The following FSHB variants were observed in gnomAD, a reference collection of about 807,000 sequenced individuals.
FSHB encodes the protein follicle stimulating hormone subunit beta, also known as follitropin subunit beta.
A neutral mutation model predicts 12.1 loss-of-function variants in FSHB; 8 were observed. The observed-to-expected ratio is 0.66, with a 90% confidence interval of 0.39 to 1.19. FSHB has a LOEUF of 1.19. Ranked by LOEUF, FSHB falls within the 50% of genes most tolerant of loss-of-function variation. FSHB has a pLI of 0.01. For synonymous variants in FSHB, 55 were observed against 54.6 expected (o/e 1.01, Z -0.04); for missense variants, 153 against 157.2 (o/e 0.97, Z 0.14).
At chr11:30,231,753 C>G in intron 1 of FSHB, 113 bp from the exon 2 acceptor site, 2 of 759,208 alleles carry the variant, frequency 2.6e-6, no homozygotes, top group Non-Finnish European at 2.2e-6. Context: ...AGTAAAAAGG[C>G]ATAAGGAAGG....
chr11:30,233,681 T>C lies in FSHB; in HGVS notation c.271T>C (p.Leu91=). 7 of 1,614,046 alleles carry C rather than the reference T, an allele frequency of 4.3e-6. No homozygotes were observed. The South Asian group carries it at 6.6e-5, about 15-fold the overall frequency. ...VPGCAHHADS[L]YTYPVATQCH... is the part of the protein sequence containing the mutation. Reference sequence around the variant, plus strand: ...CGGCTGTGCTCACCATGCAGATTCCTTGTATACATACCCAGTGGCCACCCA... The same window carrying C: ...CGGCTGTGCTCACCATGCAGATTCCCTGTATACATACCCAGTGGCCACCCA... The change falls in exon 3 of 3, where the codon TTG becomes CTG. Residue 91 remains leucine (L), a synonymous_variant. Transcript: ENST00000533718.
At chr11:30,231,751 G>T in intron 1 of FSHB, 115 bp from the exon 2 acceptor site, 2 of 741,170 alleles carry the variant, frequency 2.7e-6, no homozygotes, top group Non-Finnish European at 4.6e-6. Flanking sequence ...TAAGTAAAAA[G>T]GCATAAGGAA....
chr11:30,232,888 T>A (rs920304777), intron 2 of FSHB, among the ~76,000 whole-genome samples: 2 of 152,182 alleles, frequency 1.3e-5, no homozygotes, highest in African/African-American at 4.8e-5. Context: ...GATATACATT[T>A]GGTAGGATGA....
rs1852042034 is a variant in FSHB at position 30,233,756 on chromosome 11, G to T, written c.346G>T (p.Gly116Cys). 6.2e-7 allele frequency: 1 copy of T among 1,613,914 alleles called. No homozygotes were observed. The highest frequency in any genetic ancestry group is 1.1e-5 in the South Asian group (1 of 91,092). ...CGACAGCACTGATTGTACTGTGCGA[G>T]GCCTGGGGCCCAGCTACTGCTCCTT... is the stretch of plus-strand genomic sequence containing the variant. Reference protein sequence around the residue: ...DSDSTDCTVRGLGPSYCSFGE... With the variant: ...DSDSTDCTVRCLGPSYCSFGE... The change falls in exon 3 of 3, where the codon GGC becomes TGC. Residue 116 changes from glycine to cysteine, a missense_variant. Gly to Cys is a radical substitution (Grantham distance 159, BLOSUM62 -3). Transcript: ENST00000533718.
At chr11:30,232,111 GC>G in intron 2 of FSHB, 50 bp downstream of exon 2, 1 of 1,584,590 alleles carries the variant, frequency 6.3e-7, no homozygotes, top group Non-Finnish European at 8.7e-7. Context: ...TCTGTATTAG[GC>G]CGGTTTCATT....
chr11:30,233,439 G>C, intron 2 of FSHB, 131 bp from the exon 3 acceptor site: 1 of 732,102 alleles, frequency 1.4e-6, no homozygotes, highest in Non-Finnish European at 2.5e-6. Flanking sequence ...ATAGCATATA[G>C]GTCATTTATG....
At chr11:30,231,351 A>G (rs1363993622) in intron 1 of FSHB, among the ~76,000 whole-genome samples, 1 of 152,190 alleles carries the variant, frequency 6.6e-6, no homozygotes, top group Non-Finnish European at 1.5e-5. Context: ...TTTCTTGGCC[A>G]GGAATGGTGG....
chr11:30,232,555 T>A (rs1285224867), intron 2 of FSHB, among the ~76,000 whole-genome samples: 2 of 152,144 alleles, frequency 1.3e-5, no homozygotes, highest in Admixed American at 1.3e-4. Context: ...AAAAACAGCC[T>A]GAGAACACAA....
rs1247297185 is a variant in FSHB, at chr11:30,231,877, C to A, written c.-26C>A. 1 of 1,613,374 alleles carries A rather than the reference C, an allele frequency of 6.2e-7. No homozygotes were observed. The highest frequency in any genetic ancestry group is 1.1e-5 in the South Asian group (1 of 91,068). ...CTTTGGTTTCTCAGTTTCTAGTGGG[C>A]TTCATTGTTTGCTTCCCAGACCAGG... On this transcript the variant is annotated 5_prime_UTR_variant, in exon 2 of 3. Coordinates refer to ENST00000533718, the MANE Select transcript of FSHB (RefSeq NM_001382289.1).
chr11:30,231,067 C>T lies in FSHB; in HGVS notation c.-38+19C>T, dbSNP rs949618142. On this transcript the variant is annotated intron_variant, in intron 1 of 2. Coordinates refer to ENST00000533718, the MANE Select transcript of FSHB (RefSeq NM_001382289.1). ...ACCACAGGTGAGTCTTGGCATCTAC[C>T]GTTTTCAAGTGGTGACAGCTACTTT... 2.0e-5 allele frequency: 3 copies of T among 152,192 alleles called. No homozygotes were observed. The highest frequency in any genetic ancestry group is 6.5e-5 in the Admixed American group (1 of 15,274). 9.4% of individuals were successfully genotyped at this position (152,192 alleles called of 1,614,324 possible). A position where few individuals can be genotyped will look rare whatever the true frequency, so the allele number is the denominator to read the frequency against.
intron 1 of FSHB, among the ~76,000 whole-genome samples, chr11:30,231,364 C>T (rs1462069799): frequency 2.6e-5 from 4 of 152,090 alleles, no homozygotes; most frequent in Admixed American, 1.3e-4. Flanking sequence ...AATGGTGGCT[C>T]ATGCTTGTAA....
chr11:30,233,439 G>A (rs950437481), intron 2 of FSHB, 131 bp from the exon 3 acceptor site: 1 of 731,984 alleles, frequency 1.4e-6, no homozygotes, highest in African/African-American at 1.7e-5. Context: ...ATAGCATATA[G>A]GTCATTTATG....
In FSHB at chr11:30,231,924, T is replaced by A; in HGVS notation, c.22T>A (p.Phe8Ile). Residue 8 changes from phenylalanine to isoleucine, a missense_variant, in exon 2 of 3, where the codon TTC becomes ATC. Phe to Ile is a conservative substitution (Grantham distance 21, BLOSUM62 0). Coordinates refer to ENST00000533718, the MANE Select transcript of FSHB (RefSeq NM_001382289.1). ...CAGGATGAAGACACTCCAGTTTTTC[T>A]TCCTTTTCTGTTGCTGGAAAGCAAT... MKTLQFF[F>I]LFCCWKAICC... 6.2e-7 allele frequency: 1 copy of A among 1,613,948 alleles called. No homozygotes were observed. Among genetic ancestry groups the A allele is most frequent in the Non-Finnish European group, 8.5e-7 (1 of 1,179,862 alleles).
Position 30,232,022 on chromosome 11 carries a change from C to T in FSHB, c.120C>T (p.Ser40=). 2 of 1,613,968 alleles carry T rather than the reference C, an allele frequency of 1.2e-6. No homozygotes were observed. Among genetic ancestry groups the T allele is most frequent in the Non-Finnish European group, 1.7e-6 (2 of 1,179,870 alleles). ...IEKEECRFCI[S]INTTWCAGYC... ...AAGAAGAATGTCGTTTCTGCATAAGCATCAACACCACTTGGTGTGCTGGCT... is the reference window on the plus strand; with the variant it reads ...AAGAAGAATGTCGTTTCTGCATAAGTATCAACACCACTTGGTGTGCTGGCT... The change falls in exon 2 of 3, where the codon AGC becomes AGT. Residue 40 remains serine, a synonymous_variant. Coordinates refer to ENST00000533718, the MANE Select transcript of FSHB (RefSeq NM_001382289.1).
At chr11:30,231,622 T>C (rs1852007098) in intron 1 of FSHB, among the ~76,000 whole-genome samples, 1 of 152,228 alleles carries the variant, frequency 6.6e-6, no homozygotes, top group Non-Finnish European at 1.5e-5. Flanking sequence ...AAGATTCTAA[T>C]CTTTAAATAT....
chr11:30,231,873 T>C lies in FSHB; in HGVS notation c.-30T>C, dbSNP rs141911708. The C allele has an allele frequency of 3.1e-6, 5 of 1,613,298 alleles. No individual in the cohort carries two copies. The African/African-American group carries it at 6.7e-5, about 22-fold the overall frequency. On this transcript the variant is annotated 5_prime_UTR_variant, in exon 2 of 3. Coordinates refer to ENST00000533718, the MANE Select transcript of FSHB (RefSeq NM_001382289.1). ...CGTTCTTTGGTTTCTCAGTTTCTAG[T>C]GGGCTTCATTGTTTGCTTCCCAGAC...
In FSHB at chr11:30,233,713, C is replaced by T. The variant is rs574069720; in HGVS notation, c.303C>T (p.His101=). Residue 101 remains histidine, a synonymous_variant, in exon 3 of 3, where the codon CAC becomes CAT. Transcript: ENST00000533718. ...LYTYPVATQC[H]CGKCDSDSTD... ...CATACCCAGTGGCCACCCAGTGTCACTGTGGCAAGTGTGACAGCGACAGCA... is the reference window on the plus strand; with the variant it reads ...CATACCCAGTGGCCACCCAGTGTCATTGTGGCAAGTGTGACAGCGACAGCA... 6.2e-7 allele frequency: 1 copy of T among 1,614,076 alleles called. No individual in the cohort carries two copies. The highest frequency in any genetic ancestry group is 1.3e-5 in the African/African-American group (1 of 75,052).
In FSHB at chr11:30,234,945, G is replaced by GT. The variant is rs1375369045; in HGVS notation, c.*1147dup. 6.6e-6 allele frequency: 1 copy of GT among 151,948 alleles called. No individual in the cohort carries two copies. The highest frequency in any genetic ancestry group is 1.5e-5 in the Non-Finnish European group (1 of 67,982). The allele number at this position is 151,948 out of a possible 1,614,324, so 9.4% of individuals were successfully genotyped here. ...TCATGAGTTGATTTCTTTTAAACGT[G>GT]TTAACTGTCTTAGTTATGCACTCAG... On this transcript the variant is annotated 3_prime_UTR_variant, in exon 3 of 3. Transcript: ENST00000533718.
Position 30,233,802 on chromosome 11 carries a change from G to C in FSHB, c.*2G>C, listed in dbSNP as rs759513494. 1 of 1,611,842 alleles carries C rather than the reference G, an allele frequency of 6.2e-7. No homozygotes were observed. Among genetic ancestry groups the C allele is most frequent in the East Asian group, 2.2e-5 (1 of 44,810 alleles). On this transcript the variant is annotated 3_prime_UTR_variant, in exon 3 of 3. Coordinates refer to ENST00000533718, the MANE Select transcript of FSHB (RefSeq NM_001382289.1). Reference sequence around the variant, plus strand: ...TCCTTTGGTGAAATGAAAGAATAAAGATCAGTGGACATTTCAGGCCACATA... The same window carrying C: ...TCCTTTGGTGAAATGAAAGAATAAACATCAGTGGACATTTCAGGCCACATA...
Sources: gnomAD v4.1 joint callset for allele counts (sites outside exome capture counted in the v4.1 genomes callset) on GRCh38, gnomAD v4.1.1 for gene constraint, MANE v1.5 for transcripts, NCBI Gene and HGNC (gene_info 2026-07-23, HGNC 2026-07-21) for gene names.